The following DNAI4 variants were observed in gnomAD, a reference collection of about 807,000 sequenced individuals.
The protein encoded by DNAI4 is dynein axonemal intermediate chain 4.
Under a neutral mutation model 105.8 loss-of-function variants are expected in DNAI4, and 85 were observed. The observed-to-expected ratio is 0.80, with a 90% CI of 0.67 to 0.96. DNAI4 has a LOEUF of 0.96. Among genes scored for constraint, DNAI4 ranks in the 40% least tolerant of loss-of-function variants. DNAI4 has a pLI of 0.00. For synonymous variants in DNAI4, 352 were observed against 331.5 expected, an observed-to-expected ratio of 1.06 and a Z score of -0.67; for missense variants, 1,014 against 1,005.6, an observed-to-expected ratio of 1.01 and a Z score of -0.11.
At chr1:66,850,848 C>A (rs1305573501) in intron 7 of DNAI4, among the ~76,000 whole-genome samples, 2 of 151,610 alleles carry the variant, frequency 1.3e-5, no homozygotes, top group Non-Finnish European at 2.9e-5. Context: ...TGCACATAAA[C>A]TCAAAACACT....
chr1:66,816,572 TTTG>T (rs1316932250), intron 16 of DNAI4, among the ~76,000 whole-genome samples: 7 of 152,272 alleles, frequency 4.6e-5, no homozygotes, highest in African/African-American at 1.4e-4. Context: ...TTAATGGTTT[TTTG>T]TTGTTGTTTA....
intron 15 of DNAI4, 150 bp from the exon 16 acceptor site, chr1:66,822,667 A>C: frequency 1.7e-6 from 1 of 597,238 alleles, no homozygotes; most frequent in Non-Finnish European, 2.6e-6. Flanking sequence ...ACTGCTCCTC[A>C]CTCCTTACTC....
At chr1:66,855,371 G>GTAT (rs1415082157) in intron 7 of DNAI4, among the ~76,000 whole-genome samples, 29 of 152,228 alleles carry the variant, frequency 1.9e-4, no homozygotes, top group African/African-American at 6.5e-4. Context: ...AGATCTGTGA[G>GTAT]TATAATAATA....
intron 2 of DNAI4, among the ~76,000 whole-genome samples, chr1:66,904,455 T>G (rs1649083467): frequency 2.0e-5 from 3 of 152,200 alleles, no homozygotes; most frequent in South Asian, 2.1e-4. Flanking sequence ...CATCTTTTCA[T>G]GTGCTCCCAT....
At chr1:66,902,108 C>T (rs138342764) in intron 2 of DNAI4, among the ~76,000 whole-genome samples, 638 of 152,322 alleles carry the variant, frequency 4.2e-3, no homozygotes, top group Non-Finnish European at 7.0e-3. Flanking sequence ...GCTGAGATTA[C>T]AGGTGTGAGC....
At chr1:66,892,129 A>G (rs1424225543) in intron 3 of DNAI4, among the ~76,000 whole-genome samples, 1 of 152,188 alleles carries the variant, frequency 6.6e-6, no homozygotes, top group East Asian at 1.9e-4. Flanking sequence ...AAACATATGA[A>G]CTTAGCAGTA....
chr1:66,909,285 T>TCTACACACACACACACACAC (rs143570368), intron 1 of DNAI4, among the ~76,000 whole-genome samples: 2 of 134,466 alleles, frequency 1.5e-5, no homozygotes, highest in Non-Finnish European at 3.1e-5. Context: ...CACCTCTCTC[T>TCTACACACACACACACACAC]ACACACACAC....
chr1:66,840,387 G>A, intron 9 of DNAI4, 82 bp downstream of exon 9: 1 of 1,349,236 alleles, frequency 7.4e-7, no homozygotes, highest in East Asian at 2.4e-5. Flanking sequence ...CCATATCTAA[G>A]GAAAACAATT....
At chr1:66,921,501 A>G (rs1650475580) in intron 1 of DNAI4, 5 of 152,244 alleles carry the variant, frequency 3.3e-5, no homozygotes, top group Admixed American at 3.3e-4. Context: ...GGCTACTGCA[A>G]AAAGTGAAGG....
chr1:66,886,617 G>A (rs1401689264), intron 4 of DNAI4, among the ~76,000 whole-genome samples: 1 of 152,088 alleles, frequency 6.6e-6, no homozygotes, highest in African/African-American at 2.4e-5. Flanking sequence ...TCTTTCATCT[G>A]CAATCCAGTA....
At chr1:66,837,667 T>C (rs1646056777) in intron 10 of DNAI4, 43 bp downstream of exon 10, 1 of 1,559,796 alleles carries the variant, frequency 6.4e-7, no homozygotes, top group Non-Finnish European at 8.7e-7. Context: ...GAGAATTTTG[T>C]CAACAGCCAG....
intron 9 of DNAI4, among the ~76,000 whole-genome samples, chr1:66,838,779 G>C (rs1039020210): frequency 1.1e-4 from 16 of 152,096 alleles, no homozygotes. Context: ...ATCTCTTCTA[G>C]ACGCTGCAGA....
chr1:66,838,635 T>G (rs1000327015), intron 9 of DNAI4, among the ~76,000 whole-genome samples: 22 of 152,230 alleles, frequency 1.4e-4, no homozygotes, highest in African/African-American at 5.1e-4. Flanking sequence ...CAGAATACCT[T>G]TAATTTTAGA....
chr1:66,882,442 AT>A (rs1647093100), intron 4 of DNAI4, among the ~76,000 whole-genome samples: 1 of 152,084 alleles, frequency 6.6e-6, no homozygotes, highest in African/African-American at 2.4e-5. Context: ...TTACTTTTGC[AT>A]TTTAACTTTA....
In DNAI4 at chr1:66,862,269, G is replaced by C; in HGVS notation, c.974C>G (p.Ser325Cys). Reference protein sequence around the residue: ...IMSTAWDLYDSYNAMELVSLS... With the variant: ...IMSTAWDLYDCYNAMELVSLS... ...AGATACAAGTTCCATAGCATTGTAA[G>C]AATCATACAAATCCCAGGCAGTGGA... The change falls in exon 7 of 17, where the codon TCT (serine) becomes TGT (cysteine). Residue 325 changes from serine to cysteine, a missense_variant. Transcript: ENST00000371026. 6.2e-7 allele frequency: 1 copy of C among 1,609,534 alleles called. No homozygotes were observed. The highest frequency in any genetic ancestry group is 8.5e-7 in the Non-Finnish European group (1 of 1,178,658).
chr1:66,923,364 CAA>C (rs1451803429), intron 1 of DNAI4, among the ~76,000 whole-genome samples: 6 of 152,118 alleles, frequency 3.9e-5, no homozygotes, highest in African/African-American at 1.2e-4. Flanking sequence ...AAGATATTTG[CAA>C]AATGCTGAAA....
At chr1:66,858,988 T>A (rs1646565448) in intron 7 of DNAI4, among the ~76,000 whole-genome samples, 1 of 152,118 alleles carries the variant, frequency 6.6e-6, no homozygotes, top group Admixed American at 6.6e-5. Flanking sequence ...AAAAAATTGA[T>A]AAATTAGACT....
intron 1 of DNAI4, 63 bp from the exon 2 acceptor site, chr1:66,905,438 A>G (rs1438347243): frequency 4.1e-5 from 47 of 1,137,424 alleles, no homozygotes; most frequent in Non-Finnish European, 5.5e-5. Context: ...ATCAACCAAC[A>G]ATAAAAAAGT....
At chr1:66,905,169 T>A in intron 2 of DNAI4, 32 bp downstream of exon 2, 1 of 1,444,822 alleles carries the variant, frequency 6.9e-7, no homozygotes, top group Non-Finnish European at 9.3e-7. Context: ...CAGTGCCATT[T>A]TCAAATAAAC....
Sources: allele counts gnomAD v4.1 joint callset (sites outside exome capture counted in the v4.1 genomes callset), GRCh38; gene constraint gnomAD v4.1.1; transcripts MANE v1.5; gene names NCBI Gene and HGNC (gene_info 2026-07-23, HGNC 2026-07-21).